Variants in KCNIP4 observed in about 807,000 individuals in gnomAD.
The protein encoded by KCNIP4 is Kv channel-interacting protein 4.
A neutral mutation model predicts 34.0 loss-of-function variants in KCNIP4; 12 were observed. That is an observed-to-expected ratio of 0.35 (90% confidence interval 0.23 to 0.57). KCNIP4 has a LOEUF of 0.57. KCNIP4 is among the 20% of genes least tolerant of loss of function. The pLI, the probability that KCNIP4 is intolerant of heterozygous loss-of-function variation, is 0.83. For missense variants in KCNIP4, 238 were observed against 311.7 expected (o/e 0.76, Z 1.78); for synonymous variants, 124 against 102.2 (o/e 1.21, Z -1.29).
intron 1 of KCNIP4, among the ~76,000 whole-genome samples, chr4:21,403,091 G>T (rs2109559932): frequency 6.6e-6 from 1 of 152,286 alleles, no homozygotes; most frequent in African/African-American, 2.4e-5. Flanking sequence ...CAGCATTTGG[G>T]AGTTGGTAAC....
At chr4:21,614,659 T>C (rs1744448819) in intron 1 of KCNIP4, among the ~76,000 whole-genome samples, 1 of 150,254 alleles carries the variant, frequency 6.7e-6, no homozygotes, top group Non-Finnish European at 1.5e-5. Flanking sequence ...TTAAGCTATA[T>C]ATATAATTTA....
intron 1 of KCNIP4, among the ~76,000 whole-genome samples, chr4:21,114,769 T>A (rs12647437): frequency 0.14 from 21,739 of 151,952 alleles, 1,762 homozygotes; most frequent in East Asian, 0.23. Context: ...AACTCAGGTG[T>A]AGGAAGGTTA....
chr4:21,531,212 C>A (rs1736642114), intron 1 of KCNIP4, among the ~76,000 whole-genome samples: 1 of 152,002 alleles, frequency 6.6e-6, no homozygotes, highest in South Asian at 2.1e-4. Context: ...GCTTATCTTG[C>A]CTCATCTAGA....
chr4:21,440,896 T>C (rs1194380955), intron 1 of KCNIP4, among the ~76,000 whole-genome samples: 1 of 152,182 alleles, frequency 6.6e-6, no homozygotes, highest in Non-Finnish European at 1.5e-5. Flanking sequence ...GCAATTTATG[T>C]AATATCAGGA....
chr4:21,546,494 C>T (rs893138354), intron 1 of KCNIP4, among the ~76,000 whole-genome samples: 2 of 151,984 alleles, frequency 1.3e-5, no homozygotes, highest in African/African-American at 4.8e-5. Flanking sequence ...TGCCATGAAC[C>T]GAAAGATTGT....
intron 1 of KCNIP4, among the ~76,000 whole-genome samples, chr4:21,321,990 AG>A (rs1714519203): frequency 1.5e-5 from 2 of 135,680 alleles, no homozygotes; most frequent in Non-Finnish European, 3.2e-5. Context: ...AAGGGAAGGA[AG>A]AGAAGGAAAA....
Position 21,247,448 on chromosome 4 carries a change from A to G in KCNIP4, c.62-364739T>C, listed in dbSNP as rs1476054991. On this transcript the variant is annotated intron_variant, in intron 1 of 8. Coordinates refer to ENST00000382152, the MANE Select transcript of KCNIP4 (RefSeq NM_025221.6). The stretch of plus-strand genomic sequence containing the variant: ...TTGCAATGGAAGAGCAGGAAACTTC[A>G]TGAACTAAGAGAGACAGGTGTAGTT... Among the ~76,000 whole-genome samples, 11 of 151,650 alleles carry G rather than the reference A, an allele frequency of 7.3e-5. 1 individual carries two copies. In the South Asian group the frequency reaches 2.3e-3, roughly 32 times the overall value.
chr4:21,626,292 G>A (rs901043092), intron 1 of KCNIP4, among the ~76,000 whole-genome samples: 13 of 152,014 alleles, frequency 8.6e-5, no homozygotes, highest in African/African-American at 3.1e-4. Context: ...TGAAGACTTT[G>A]GGAGGTAATT....
intron 3 of KCNIP4, among the ~76,000 whole-genome samples, chr4:20,843,301 TA>T (rs1719968191): frequency 6.6e-6 from 1 of 152,106 alleles, no homozygotes; most frequent in Admixed American, 6.6e-5. Context: ...CCTATGAGAA[TA>T]AAGGAGAAAA....
chr4:21,339,054 G>C (rs1383797228), intron 1 of KCNIP4, among the ~76,000 whole-genome samples: 1 of 152,118 alleles, frequency 6.6e-6, no homozygotes, highest in African/African-American at 2.4e-5. Context: ...ACCATAGCAG[G>C]AAGTAAGTCC....
At chr4:20,912,238 G>T (rs1728393842) in intron 1 of KCNIP4, among the ~76,000 whole-genome samples, 1 of 152,062 alleles carries the variant, frequency 6.6e-6, no homozygotes, top group Non-Finnish European at 1.5e-5. Flanking sequence ...TAAAAAGGAA[G>T]AAGCAAAATT....
chr4:21,466,171 CA>C (rs1481674171), intron 1 of KCNIP4, among the ~76,000 whole-genome samples: 1 of 152,124 alleles, frequency 6.6e-6, no homozygotes, highest in Non-Finnish European at 1.5e-5. Flanking sequence ...CTCCTTTTCC[CA>C]TTTGTTCAGG....
rs181563514 is a variant in KCNIP4, at chr4:20,920,559, G to A, written c.62-37850C>T. On this transcript the variant is annotated intron_variant, in intron 1 of 8. Transcript: ENST00000382152. Reference sequence around the variant, plus strand: ...TAACTGGGGCAAAAGATACACAGTGGGGAGAGGCAGGGTTGCAGACTGGAC... The same window carrying A: ...TAACTGGGGCAAAAGATACACAGTGAGGAGAGGCAGGGTTGCAGACTGGAC... Among the ~76,000 whole-genome samples the A allele has an allele frequency of 2.4e-3, 368 of 152,250 alleles. 1 individual carries two copies. The highest frequency in any genetic ancestry group is 0.014 in the Middle Eastern group (4 of 294).
chr4:21,591,357 AAAAAC>A (rs773858028), intron 1 of KCNIP4, among the ~76,000 whole-genome samples: 2 of 152,090 alleles, frequency 1.3e-5, no homozygotes, highest in Non-Finnish European at 2.9e-5. Context: ...AAGAAAACAC[AAAAAC>A]AAAACAAAAC....
intron 1 of KCNIP4, among the ~76,000 whole-genome samples, chr4:21,946,741 A>C (rs542645189): frequency 6.6e-6 from 1 of 152,348 alleles, no homozygotes; most frequent in African/African-American, 2.4e-5. Context: ...TGTCAAATCA[A>C]TTCTCAGCCA....
At chr4:21,351,056 A>T (rs1310854208) in intron 1 of KCNIP4, among the ~76,000 whole-genome samples, 1 of 152,150 alleles carries the variant, frequency 6.6e-6, no homozygotes, top group East Asian at 1.9e-4. Flanking sequence ...TATCATACAA[A>T]TTTGAAAGCA....
At chr4:21,919,768 T>C (rs1463626758) in intron 1 of KCNIP4, among the ~76,000 whole-genome samples, 5 of 152,214 alleles carry the variant, frequency 3.3e-5, no homozygotes, top group African/African-American at 1.2e-4. Context: ...TATTTCCCTT[T>C]ATTTTCTATA....
chr4:21,520,496 T>C (rs1050082718), intron 1 of KCNIP4, among the ~76,000 whole-genome samples: 1 of 152,148 alleles, frequency 6.6e-6, no homozygotes, highest in African/African-American at 2.4e-5. Context: ...AAGAGCTACA[T>C]CATACTCAAG....
At chr4:21,087,783 C>A (rs950415377) in intron 1 of KCNIP4, among the ~76,000 whole-genome samples, 1 of 152,160 alleles carries the variant, frequency 6.6e-6, no homozygotes, top group African/African-American at 2.4e-5. Context: ...ACCACTCAAT[C>A]CTCCCTTCAA....
Sources: allele counts gnomAD v4.1 joint callset (sites outside exome capture counted in the v4.1 genomes callset), GRCh38; gene constraint gnomAD v4.1.1; transcripts MANE v1.5; gene names NCBI Gene and HGNC (gene_info 2026-07-23, HGNC 2026-07-21).